TLE4: variants seen among roughly 807,000 people sequenced by gnomAD.
The protein encoded by TLE4 is TLE family member 4, transcriptional corepressor, also known as transducin-like enhancer protein 4.
In TLE4, 8 loss-of-function variants were observed where a neutral mutation model predicts 92.8. The ratio of observed to expected loss-of-function variants is 0.09; its 90% CI spans 0.05 to 0.16. The LOEUF (loss-of-function observed/expected upper bound fraction) is 0.16, where lower values mean the gene tolerates loss of function less well. Ranked by LOEUF, TLE4 falls within the 10% of genes least tolerant of loss-of-function variation. The probability of loss-of-function intolerance (pLI) is 1.00; values close to 1 mark genes in which losing one functional copy is unlikely to be tolerated. For missense variants in TLE4, 675 were observed against 997.6 expected (o/e 0.68, Z 4.36); for synonymous variants, 371 against 374.1 (o/e 0.99, Z 0.10).
At chr9:79,645,593 G>A (rs1278825725) in intron 6 of TLE4, among the ~76,000 whole-genome samples, 1 of 152,180 alleles carries the variant, frequency 6.6e-6, no homozygotes, top group Non-Finnish European at 1.5e-5. Flanking sequence ...GTCCTTTTCT[G>A]CCCTTTGTGC....
At chr9:79,683,268 C>T (rs961552211) in intron 8 of TLE4, among the ~76,000 whole-genome samples, 4 of 152,172 alleles carry the variant, frequency 2.6e-5, no homozygotes, top group Non-Finnish European at 5.9e-5. Context: ...TTGGCTGACT[C>T]TGTGGTCATT....
intron 4 of TLE4, among the ~76,000 whole-genome samples, chr9:79,587,331 G>A (rs1444634236): frequency 2.0e-5 from 3 of 152,214 alleles, no homozygotes; most frequent in African/African-American, 7.2e-5. Flanking sequence ...TAGGCAATCA[G>A]AGAGTGGGAG....
intron 8 of TLE4, among the ~76,000 whole-genome samples, chr9:79,692,524 A>G (rs896893339): frequency 6.6e-6 from 1 of 152,154 alleles, no homozygotes; most frequent in Admixed American, 6.5e-5. Context: ...GTATGCCTCC[A>G]CTTCATGTAG....
At chr9:79,618,430 A>G (rs758961409) in intron 5 of TLE4, among the ~76,000 whole-genome samples, 4 of 152,220 alleles carry the variant, frequency 2.6e-5, no homozygotes, top group Non-Finnish European at 4.4e-5. Flanking sequence ...TAGGGGATGG[A>G]AAAGAACCTA....
intron 8 of TLE4, among the ~76,000 whole-genome samples, chr9:79,668,351 T>C (rs948235092): frequency 2.0e-5 from 3 of 152,226 alleles, no homozygotes; most frequent in Non-Finnish European, 4.4e-5. Flanking sequence ...CCAGGAGGGC[T>C]TGGCAGGAGT....
intron 14 of TLE4, among the ~76,000 whole-genome samples, chr9:79,710,443 G>A (rs2072976312): frequency 6.6e-6 from 1 of 152,130 alleles, no homozygotes; most frequent in Admixed American, 6.5e-5. Context: ...TGCCTTGTTA[G>A]TCACCTGTGT....
chr9:79,658,757 C>G (rs1303877149), intron 8 of TLE4, among the ~76,000 whole-genome samples: 1 of 151,972 alleles, frequency 6.6e-6, no homozygotes, highest in East Asian at 1.9e-4. Context: ...TTGTATTACT[C>G]CAGACTTTAG....
At position 79,726,445 on chromosome 9, in the gene TLE4, T is replaced by G. The variant is rs2076381709; in HGVS notation, c.*1301T>G. The G allele has an allele frequency of 1.3e-5, 2 of 152,580 alleles. No individual in the cohort carries two copies. The highest frequency in any genetic ancestry group is 4.8e-5 in the African/African-American group (2 of 41,422). 9.5% of individuals were successfully genotyped at this position (152,580 alleles called of 1,614,324 possible). A position where few individuals can be genotyped will look rare whatever the true frequency, so the allele number is the denominator to read the frequency against. On this transcript the variant is annotated 3_prime_UTR_variant, in exon 20 of 20. Coordinates refer to ENST00000376552, the MANE Select transcript of TLE4 (RefSeq NM_007005.6). ...TCAAAAGAACCGTGTAGATATACTTTATTGTATAAGTAGAAAATTACTTAA... is the reference window on the plus strand; with the variant it reads ...TCAAAAGAACCGTGTAGATATACTTGATTGTATAAGTAGAAAATTACTTAA...
At chr9:79,649,258 G>A (rs556269434) in intron 6 of TLE4, among the ~76,000 whole-genome samples, 5 of 113,546 alleles carry the variant, frequency 4.4e-5, no homozygotes, top group Non-Finnish European at 7.4e-5. Flanking sequence ...AGACAGGGAC[G>A]GACATACATA....
chr9:79,580,815 T>C (rs1016188162), intron 4 of TLE4, among the ~76,000 whole-genome samples: 3 of 152,086 alleles, frequency 2.0e-5, no homozygotes, highest in Non-Finnish European at 4.4e-5. Context: ...AACTAATAAA[T>C]GAAGATTTTG....
At chr9:79,723,081 C>T in intron 19 of TLE4, 46 bp downstream of exon 19, 1 of 1,545,980 alleles carries the variant, frequency 6.5e-7, no homozygotes, top group East Asian at 2.2e-5. Context: ...TTTAATCAAA[C>T]TCTCTGTGCA....
chr9:79,627,827 T>TA lies in TLE4; in HGVS notation c.390+380dup, dbSNP rs2053039861. On this transcript the variant is annotated intron_variant, in intron 6 of 19. Coordinates refer to ENST00000376552, the MANE Select transcript of TLE4 (RefSeq NM_007005.6). ...CCTTGAATAATCATGTAGAGTATCT[T>TA]ACTATCATTTTTAATGAGGTGTACA... 4 of 182,644 alleles carry TA rather than the reference T, an allele frequency of 2.2e-5. No individual in the cohort carries two copies. The South Asian group carries it at 4.6e-4, about 21-fold the overall frequency. The allele number at this position is 182,644 out of a possible 1,614,324, so 11.3% of individuals were successfully genotyped here.
intron 14 of TLE4, among the ~76,000 whole-genome samples, chr9:79,715,871 T>C (rs148625289): frequency 6.6e-6 from 1 of 152,296 alleles, no homozygotes; most frequent in Non-Finnish European, 1.5e-5. Flanking sequence ...CACCCCTGTG[T>C]CACCTCCAGA....
intron 8 of TLE4, among the ~76,000 whole-genome samples, chr9:79,682,092 G>A (rs2064822252): frequency 2.0e-5 from 3 of 152,012 alleles, no homozygotes; most frequent in Admixed American, 6.6e-5. Context: ...GGATCTGGAA[G>A]CATCCTATTT....
intron 6 of TLE4, among the ~76,000 whole-genome samples, chr9:79,641,285 A>T (rs1027144369): frequency 6.6e-6 from 1 of 152,154 alleles, no homozygotes; most frequent in Non-Finnish European, 1.5e-5. Flanking sequence ...TGAGAAGACA[A>T]GCCAGAAACC....
At chr9:79,644,338 C>T (rs1167724850) in intron 6 of TLE4, among the ~76,000 whole-genome samples, 3 of 152,102 alleles carry the variant, frequency 2.0e-5, no homozygotes, top group Admixed American at 6.6e-5. Context: ...AAACCTCTTT[C>T]CTTTATAAAT....
chr9:79,681,631 G>A (rs1326665678), intron 8 of TLE4, among the ~76,000 whole-genome samples: 1 of 152,068 alleles, frequency 6.6e-6, no homozygotes, highest in Non-Finnish European at 1.5e-5. Flanking sequence ...AGGATACACT[G>A]ACTTTTCTGG....
chr9:79,636,958 G>A (rs998191612), intron 6 of TLE4, among the ~76,000 whole-genome samples: 6 of 152,164 alleles, frequency 3.9e-5, no homozygotes, highest in South Asian at 2.1e-4. Flanking sequence ...GATATTCTCC[G>A]TACAATTTTG....
intron 14 of TLE4, among the ~76,000 whole-genome samples, chr9:79,711,321 C>A (rs2073227008): frequency 4.6e-5 from 2 of 43,834 alleles, no homozygotes; most frequent in African/African-American, 1.9e-4. Context: ...GTGTGTTTTG[C>A]AAATAGTTGT....
Sources: allele counts gnomAD v4.1 joint callset (sites outside exome capture counted in the v4.1 genomes callset), GRCh38; gene constraint gnomAD v4.1.1; transcripts MANE v1.5; gene names NCBI Gene and HGNC (gene_info 2026-07-23, HGNC 2026-07-21).